The following IGBP1 variants were observed in gnomAD, a reference collection of about 807,000 sequenced individuals.
IGBP1 encodes the protein immunoglobulin binding protein 1, also known as immunoglobulin-binding protein 1.
IGBP1 carries 2 observed loss-of-function variants against 25.9 expected under a neutral mutation model. The observed-to-expected ratio is 0.08, with a 90% CI of 0.03 to 0.24. The LOEUF is 0.24. Among genes scored for constraint, IGBP1 ranks in the 10% least tolerant of loss-of-function variants. The pLI, the probability that IGBP1 is intolerant of heterozygous loss-of-function variation, is 1.00. For missense variants in IGBP1, 187 were observed against 260.4 expected (o/e 0.72, Z 1.94); for synonymous variants, 96 against 93.4 (o/e 1.03, Z -0.16).
chrX:70,162,411 C>G (rs2085275654), intron 6 of IGBP1, among the ~76,000 whole-genome samples: 1 of 111,942 alleles, frequency 8.9e-6, no homozygotes, highest in South Asian at 3.7e-4. Context: ...AAACAGACAA[C>G]AAAATGTACT....
chrX:70,161,404 T>C (rs1046757675), intron 6 of IGBP1, among the ~76,000 whole-genome samples: 1 of 111,636 alleles, frequency 9.0e-6, no homozygotes, highest in East Asian at 2.8e-4. Context: ...AATACCATCC[T>C]CTAATAAATG....
intron 6 of IGBP1, among the ~76,000 whole-genome samples, chrX:70,157,639 C>T (rs1356409529): frequency 1.8e-5 from 2 of 112,120 alleles, no homozygotes; most frequent in Admixed American, 1.9e-4. Context: ...ATAGCTGAAT[C>T]GTGTGAAAAA....
intron 3 of IGBP1, among the ~76,000 whole-genome samples, chrX:70,144,372 G>A (rs1337909590): frequency 9.0e-6 from 1 of 111,456 alleles, no homozygotes; most frequent in East Asian, 2.8e-4. Flanking sequence ...ATCACCCTAA[G>A]GTCCTCGTAT....
intron 6 of IGBP1, among the ~76,000 whole-genome samples, chrX:70,154,168 G>A (rs891873367): frequency 3.8e-5 from 4 of 105,698 alleles, no homozygotes; most frequent in South Asian, 4.3e-4. Flanking sequence ...CGCCATTCAC[G>A]CCATTCTCCT....
Position 70,133,869 on chromosome X carries a change from C to T in IGBP1, c.-79C>T. ...AATGAGGTGCTTCTTCCGGTTTTGT[C>T]CGCGCTCGCCTAATTCTTCTTTATC... On this transcript the variant is annotated 5_prime_UTR_variant, in exon 2 of 7. Transcript: ENST00000356413. 1.1e-6 allele frequency: 1 copy of T among 945,256 alleles called. No individual in the cohort carries two copies. Among genetic ancestry groups the T allele is most frequent in the Non-Finnish European group, 1.5e-6 (1 of 671,237 alleles). 77.9% of individuals were successfully genotyped at this position (945,256 alleles called of 1,213,427 possible). A position where few individuals can be genotyped will look rare whatever the true frequency, so the allele number is the denominator to read the frequency against.
At chrX:70,134,419 C>T in intron 2 of IGBP1, 104 bp from the exon 3 acceptor site, 1 of 874,970 alleles carries the variant, frequency 1.1e-6, no homozygotes, top group Non-Finnish European at 1.6e-6. Flanking sequence ...TGCCTCCTCC[C>T]TCTGGTCCAC....
Position 70,137,913 on chromosome X carries a change from C to T in IGBP1, c.482+3097C>T, listed in dbSNP as rs757631113. On this transcript the variant is annotated intron_variant, in intron 3 of 6. Coordinates refer to ENST00000356413, the MANE Select transcript of IGBP1 (RefSeq NM_001551.3). Reference sequence around the variant, plus strand: ...TTCGGGAGGCTGAGGCAGGTGGATCCCTTGAGGTCAGGAGTTCAAGACCAG... The same window carrying T: ...TTCGGGAGGCTGAGGCAGGTGGATCTCTTGAGGTCAGGAGTTCAAGACCAG... Among the ~76,000 whole-genome samples, 6 of 105,540 alleles carry T rather than the reference C, an allele frequency of 5.7e-5. No homozygotes were observed. The East Asian group carries it at 1.8e-3, about 32-fold the overall frequency. 91.6% of individuals were successfully genotyped at this position (105,540 alleles called of 115,157 possible).
chrX:70,154,714 CAAAAAAAA>C (rs762954223), intron 6 of IGBP1, among the ~76,000 whole-genome samples: 1 of 27,106 alleles, frequency 3.7e-5, no homozygotes, highest in African/African-American at 1.9e-4. Context: ...CCCCTCTCCA[CAAAAAAAA>C]AAAAAAAAAA....
In IGBP1 at chrX:70,133,880, T is replaced by C; in HGVS notation, c.-68T>C. 1 of 1,033,324 alleles carries C rather than the reference T, an allele frequency of 9.7e-7. No individual in the cohort carries two copies. Among genetic ancestry groups the C allele is most frequent in the South Asian group, 2.0e-5 (1 of 50,679 alleles). The allele number at this position is 1,033,324 out of a possible 1,213,427, so 85.2% of individuals were successfully genotyped here. ...TCTTCCGGTTTTGTCCGCGCTCGCC[T>C]AATTCTTCTTTATCAAGGTTGCCTT... is the stretch of plus-strand genomic sequence containing the variant. On this transcript the variant is annotated 5_prime_UTR_variant, in exon 2 of 7. Coordinates refer to ENST00000356413, the MANE Select transcript of IGBP1 (RefSeq NM_001551.3).
rs777646013 is a variant in IGBP1, at chrX:70,133,724, T to A, written c.-224T>A. On this transcript the variant is annotated splice_region_variant and 5_prime_UTR_variant, in exon 2 of 7. The change abolishes an upstream ATG in the 5' untranslated region. Coordinates refer to ENST00000356413, the MANE Select transcript of IGBP1 (RefSeq NM_001551.3). Reference sequence around the variant, plus strand: ...TGCTTGTTTGTTTGCTTTTAACAGATGCCTACGACTTGTAACGGGCTGCCT... The same window carrying A: ...TGCTTGTTTGTTTGCTTTTAACAGAAGCCTACGACTTGTAACGGGCTGCCT... 8.6e-4 allele frequency: 379 copies of A among 443,010 alleles called. 1 individual carries two copies. The South Asian group carries it at 0.012, about 14-fold the overall frequency. 36.5% of individuals were successfully genotyped at this position (443,010 alleles called of 1,213,427 possible).
chrX:70,133,585 C>A (rs1456144630), intron 1 of IGBP1, 45 bp downstream of exon 1: 5 of 395,222 alleles, frequency 1.3e-5, no homozygotes, highest in African/African-American at 1.0e-4. Context: ...CTCGCTCGTC[C>A]GCACTCCTCG....
In IGBP1 at chrX:70,135,962, G is replaced by GATA. The variant is rs2085092394; in HGVS notation, c.482+1153_482+1155dup. Among the ~76,000 whole-genome samples, 10 of 111,766 alleles carry GATA rather than the reference G, an allele frequency of 8.9e-5. 1 individual carries two copies. The South Asian group carries it at 3.8e-3, about 42-fold the overall frequency. ...TTAATTTCCCCAGCTGCAAAATTCA[G>GATA]ATAATAATAGGTTCTTCCTCATAAA... On this transcript the variant is annotated intron_variant, in intron 3 of 6. Coordinates refer to ENST00000356413, the MANE Select transcript of IGBP1 (RefSeq NM_001551.3).
chrX:70,140,959 G>A (rs538734928), intron 3 of IGBP1, among the ~76,000 whole-genome samples: 2 of 111,265 alleles, frequency 1.8e-5, no homozygotes, highest in Admixed American at 1.9e-4. Flanking sequence ...AGATGAGTTT[G>A]CCAAGGAAAA....
intron 6 of IGBP1, among the ~76,000 whole-genome samples, chrX:70,150,534 T>A (rs606039): frequency 4.5e-5 from 5 of 110,395 alleles, no homozygotes; most frequent in Non-Finnish European, 9.5e-5. Context: ...TGTAAATCTC[T>A]CCAAATGTCA....
chrX:70,157,160 G>A (rs1392989679), intron 6 of IGBP1, among the ~76,000 whole-genome samples: 4 of 108,648 alleles, frequency 3.7e-5, no homozygotes, highest in Non-Finnish European at 1.9e-5. Flanking sequence ...AGAATTTATG[G>A]GATACAACTC....
chrX:70,148,799 A>G lies in IGBP1; in HGVS notation c.717A>G (p.Pro239=). 8.3e-7 allele frequency: 1 copy of G among 1,206,648 alleles called. No individual in the cohort carries two copies. Among genetic ancestry groups the G allele is most frequent in the Non-Finnish European group, 1.1e-6 (1 of 890,591 alleles). The part of the protein sequence containing the change: ...TSNSSRQERP[P]VKPFILTRNM... ...ACTCATCTCGCCAGGAGAGGCCTCCAGTGAAACCCTTCATTCTCACTCGGA... is the reference window on the plus strand; with the variant it reads ...ACTCATCTCGCCAGGAGAGGCCTCCGGTGAAACCCTTCATTCTCACTCGGA... The change falls in exon 5 of 7, where the codon CCA becomes CCG. Residue 239 remains proline, a synonymous_variant. Coordinates refer to ENST00000356413, the MANE Select transcript of IGBP1 (RefSeq NM_001551.3).
chrX:70,160,402 A>T (rs2085265044), intron 6 of IGBP1, among the ~76,000 whole-genome samples: 2 of 112,078 alleles, frequency 1.8e-5, no homozygotes. Flanking sequence ...TTACCCTCAG[A>T]TTTTTTGAGA....
chrX:70,161,555 A>G (rs2085270794), intron 6 of IGBP1, among the ~76,000 whole-genome samples: 1 of 111,739 alleles, frequency 8.9e-6, no homozygotes, highest in Non-Finnish European at 1.9e-5. Context: ...AGTTGAAAAT[A>G]TTGTTAAGTT....
intron 6 of IGBP1, among the ~76,000 whole-genome samples, chrX:70,153,844 C>T (rs1380785783): frequency 2.7e-5 from 3 of 111,061 alleles, no homozygotes; most frequent in African/African-American, 9.8e-5. Flanking sequence ...TTGCTCACAA[C>T]AGCTTCCGCT....
Sources: allele counts gnomAD v4.1 joint callset (sites outside exome capture counted in the v4.1 genomes callset), GRCh38; gene constraint gnomAD v4.1.1; transcripts MANE v1.5; gene names NCBI Gene and HGNC (gene_info 2026-07-23, HGNC 2026-07-21).